Variants in OSBPL6 observed in about 807,000 individuals in gnomAD.
OSBPL6 encodes the protein oxysterol-binding protein-related protein 6.
A neutral mutation model predicts 125.8 loss-of-function variants in OSBPL6; 49 were observed. The ratio of observed to expected loss-of-function variants is 0.39; its 90% CI spans 0.31 to 0.49. The LOEUF (loss-of-function observed/expected upper bound fraction) is 0.49, where lower values mean the gene tolerates loss of function less well. OSBPL6 is among the 20% of genes least tolerant of loss of function. OSBPL6 has a pLI of 0.88. For synonymous variants in OSBPL6, 394 were observed against 391.8 expected (o/e 1.01, Z -0.07); for missense variants, 986 against 1,135.4 (o/e 0.87, Z 1.89).
In OSBPL6 at chr2:178,380,452, G is replaced by C. The variant is rs923013395; in HGVS notation, c.1534-1968G>C. On this transcript the variant is annotated intron_variant, in intron 15 of 24. Transcript: ENST00000190611. ...AGCCTGGGCAGCAGAGTAAGAGTCT[G>C]TCTCAAAAAAAAAAAAAAAAAAAAA... Among the ~76,000 whole-genome samples, 6 of 72,362 alleles carry C rather than the reference G, an allele frequency of 8.3e-5. 1 individual carries two copies. The Admixed American group carries it at 1.6e-3, about 20-fold the overall frequency. The allele number at this position is 72,362 out of a possible 152,430, so 47.5% of individuals were successfully genotyped here.
chr2:178,270,572 C>T (rs570948917), intron 1 of OSBPL6, among the ~76,000 whole-genome samples: 1 of 152,256 alleles, frequency 6.6e-6, no homozygotes, highest in Admixed American at 6.5e-5. Flanking sequence ...AGCCACTCAC[C>T]GCATGACAGC....
chr2:178,210,016 C>CTATT (rs754566716), intron 1 of OSBPL6, among the ~76,000 whole-genome samples: 90 of 148,688 alleles, frequency 6.1e-4, no homozygotes, highest in East Asian at 4.7e-3. Context: ...ATTTATTTAT[C>CTATT]TATTTATTTA....
At chr2:178,302,326 G>A (rs543218522) in intron 2 of OSBPL6, among the ~76,000 whole-genome samples, 2 of 152,258 alleles carry the variant, frequency 1.3e-5, no homozygotes, top group South Asian at 4.1e-4. Context: ...TTGGTGTTGT[G>A]TTGACTTTAA....
At chr2:178,338,631 A>G (rs915006850) in intron 9 of OSBPL6, among the ~76,000 whole-genome samples, 1 of 152,224 alleles carries the variant, frequency 6.6e-6, no homozygotes, top group Admixed American at 6.5e-5. Flanking sequence ...AGCATGTTAG[A>G]GGAGCAGGTA....
chr2:178,300,701 T>C (rs1285569335), intron 2 of OSBPL6, among the ~76,000 whole-genome samples: 1 of 152,184 alleles, frequency 6.6e-6, no homozygotes, highest in African/African-American at 2.4e-5. Context: ...CCTCAAGTGA[T>C]CCTACTTATC....
intron 1 of OSBPL6, among the ~76,000 whole-genome samples, chr2:178,213,955 G>T (rs2089979584): frequency 6.6e-6 from 1 of 152,108 alleles, no homozygotes; most frequent in Admixed American, 6.5e-5. Context: ...CAGTTGGTTA[G>T]TTCCCCTACT....
intron 15 of OSBPL6, among the ~76,000 whole-genome samples, chr2:178,379,197 AGAAAG>A (rs1365399628): frequency 3.3e-5 from 5 of 151,552 alleles, no homozygotes; most frequent in Non-Finnish European, 5.9e-5. Context: ...AACGAAAAAA[AGAAAG>A]GAAGGGAGGG....
intron 2 of OSBPL6, among the ~76,000 whole-genome samples, chr2:178,300,255 G>T (rs1686160048): frequency 6.6e-6 from 1 of 152,190 alleles, no homozygotes; most frequent in Admixed American, 6.5e-5. Context: ...CGTTCCAAGG[G>T]ATGGGCAGGG....
intron 12 of OSBPL6, among the ~76,000 whole-genome samples, chr2:178,349,960 G>A (rs4894014): frequency 1.3e-5 from 2 of 151,938 alleles, no homozygotes; most frequent in South Asian, 2.1e-4. Flanking sequence ...CAACTGTGCC[G>A]CCTTCCTCTC....
intron 1 of OSBPL6, among the ~76,000 whole-genome samples, chr2:178,211,144 G>A (rs552207455): frequency 4.7e-4 from 72 of 152,192 alleles, no homozygotes; most frequent in African/African-American, 1.6e-3. Flanking sequence ...GGTGGTGCGC[G>A]CCTGTAGTCC....
intron 9 of OSBPL6, among the ~76,000 whole-genome samples, chr2:178,337,965 G>A (rs528696458): frequency 9.5e-5 from 8 of 84,028 alleles, no homozygotes; most frequent in South Asian, 4.1e-4. Context: ...TTTTTGAGAC[G>A]GAGTCTTGCT....
intron 1 of OSBPL6, among the ~76,000 whole-genome samples, chr2:178,206,310 A>G (rs902936052): frequency 6.6e-6 from 1 of 152,226 alleles, no homozygotes; most frequent in African/African-American, 2.4e-5. Context: ...TTGTGTGGTT[A>G]GGGATTATGA....
At position 178,260,673 on chromosome 2, in the gene OSBPL6, T is replaced by C. The variant is rs368300716; in HGVS notation, c.-350-24254T>C. Among the ~76,000 whole-genome samples, 18 of 152,338 alleles carry C rather than the reference T, an allele frequency of 1.2e-4. No individual in the cohort carries two copies. The South Asian group carries it at 1.2e-3, about 11-fold the overall frequency. On this transcript the variant is annotated intron_variant, in intron 1 of 24. Coordinates refer to ENST00000190611, the MANE Select transcript of OSBPL6 (RefSeq NM_032523.4). ...ATTTTACCTTTAAATAAACTATTTC[T>C]TGAGCTCATGCTGATAATTCTAATT... is the stretch of plus-strand genomic sequence containing the variant.
chr2:178,228,478 T>A (rs1450883720), intron 1 of OSBPL6, among the ~76,000 whole-genome samples: 2 of 152,190 alleles, frequency 1.3e-5, no homozygotes, highest in South Asian at 2.1e-4. Context: ...GAGCTTGCAG[T>A]GAGCCAAGAT....
At chr2:178,343,820 T>TA (rs959858546) in intron 11 of OSBPL6, among the ~76,000 whole-genome samples, 7 of 151,932 alleles carry the variant, frequency 4.6e-5, no homozygotes, top group East Asian at 1.9e-4. Flanking sequence ...AGTAAGAAAT[T>TA]AAAAAAACAA....
chr2:178,372,186 A>G lies in OSBPL6; in HGVS notation c.1348A>G (p.Ile450Val). ...GAACAGAATACATTCAGAGTCTATT[A>G]TTTGTGATCAGGTTGTCAGTGTAAA... is the stretch of plus-strand genomic sequence containing the variant. ...RLNRIHSESI[I>V]CDQVVSVNII... Residue 450 changes from isoleucine to valine, a missense_variant, in exon 14 of 25, where the codon ATT (isoleucine) becomes GTT (valine). Physicochemically the swap from Ile to Val is conservative, Grantham distance 29 (BLOSUM62 3). This residue lies in a region of OSBPL6 where 843 missense variants were observed against 997.3 expected (regional missense o/e 0.85). Transcript: ENST00000190611. 1 of 1,613,258 alleles carries G rather than the reference A, an allele frequency of 6.2e-7. No homozygotes were observed. The highest frequency in any genetic ancestry group is 8.5e-7 in the Non-Finnish European group (1 of 1,179,482).
intron 3 of OSBPL6, among the ~76,000 whole-genome samples, chr2:178,312,950 C>T (rs2154065571): frequency 6.6e-6 from 1 of 151,956 alleles, no homozygotes; most frequent in East Asian, 1.9e-4. Flanking sequence ...GGCTAGAGTG[C>T]AATGGTGTGA....
rs1380057978 is a variant in OSBPL6, at chr2:178,221,908, TG to T, written c.-351+27235del. On this transcript the variant is annotated intron_variant, in intron 1 of 24. Transcript: ENST00000190611. ...CCTGTCACAGGCATAGCCTTTATATTGTTCCCACTGGAGTAAATCACCAAGG... is the reference window on the plus strand; with the variant it reads ...CCTGTCACAGGCATAGCCTTTATATTTTCCCACTGGAGTAAATCACCAAGG... Among the ~76,000 whole-genome samples, 10 of 152,344 alleles carry T rather than the reference TG, an allele frequency of 6.6e-5. No individual in the cohort carries two copies. The East Asian group carries it at 1.7e-3, about 26-fold the overall frequency.
Position 178,391,139 on chromosome 2 carries a change from G to C in OSBPL6, c.2368G>C (p.Val790Leu), listed in dbSNP as rs1339972115. The C allele has an allele frequency of 6.2e-7, 1 of 1,613,976 alleles. No homozygotes were observed. Among genetic ancestry groups the C allele is most frequent in the Admixed American group, 1.7e-5 (1 of 59,980 alleles). ...GGTGATAGATCAGGAGGGGAAGGCG[G>C]TGTACCGGCTGTTTGGAAAGTGGCA... ...GVVIDQEGKA[V>L]YRLFGKWHEG... Residue 790 changes from valine (V) to leucine (L), a missense_variant, in exon 22 of 25, where the codon GTG (valine) becomes CTG (leucine). By Grantham distance (32) the Val-to-Leu change is conservative. Coordinates refer to ENST00000190611, the MANE Select transcript of OSBPL6 (RefSeq NM_032523.4).
Sources: allele counts gnomAD v4.1 joint callset (sites outside exome capture counted in the v4.1 genomes callset), GRCh38; gene constraint gnomAD v4.1.1; regional missense constraint gnomAD v4.1.1; transcripts MANE v1.5; gene names NCBI Gene and HGNC (gene_info 2026-07-23, HGNC 2026-07-21).